IL34: variants seen among roughly 807,000 people sequenced by gnomAD.
The protein encoded by IL34 is interleukin 34.
IL34 carries 17 observed loss-of-function variants against 25.3 expected under a neutral mutation model. The ratio of observed to expected loss-of-function variants is 0.67; its 90% confidence interval spans 0.46 to 1.01. The LOEUF is 1.01. Ranked by LOEUF, IL34 falls within the 50% of genes least tolerant of loss-of-function variation. The pLI is 0.00. For missense variants in IL34, 368 were observed against 312.9 expected, an observed-to-expected ratio of 1.18 and a Z score of -1.33; for synonymous variants, 174 against 140.9, an observed-to-expected ratio of 1.23 and a Z score of -1.66.
intron 1 of IL34, among the ~76,000 whole-genome samples, chr16:70,628,872 C>T (rs1228552079): frequency 4.1e-5 from 6 of 147,972 alleles, no homozygotes; most frequent in South Asian, 2.2e-4. Flanking sequence ...ACTATAGCTT[C>T]GAACTCCTGG....
intron 1 of IL34, among the ~76,000 whole-genome samples, chr16:70,630,550 C>G (rs1029641922): frequency 6.6e-6 from 1 of 151,288 alleles, no homozygotes; most frequent in African/African-American, 2.4e-5. Context: ...CCCCTCCTCT[C>G]CCCTCCCCTC....
Position 70,660,274 on chromosome 16 carries a change from T to C in IL34, c.*87T>C. The stretch of plus-strand genomic sequence containing the variant: ...GGTCTGAGACTTCAAGGGGTGGTGG[T>C]GGGAGCCCCCCTTGGGAGAGGACCC... On this transcript the variant is annotated 3_prime_UTR_variant, in exon 6 of 6. Transcript: ENST00000288098. 1 of 1,283,454 alleles carries C rather than the reference T, an allele frequency of 7.8e-7. No homozygotes were observed. The highest frequency in any genetic ancestry group is 1.1e-6 in the Non-Finnish European group (1 of 949,476). 79.5% of individuals were successfully genotyped at this position (1,283,454 alleles called of 1,614,324 possible). A position where few individuals can be genotyped will look rare whatever the true frequency, so the allele number is the denominator to read the frequency against.
chr16:70,580,038 G>C (rs1174562585), exon 1 of IL34: 1 of 152,294 alleles, frequency 6.6e-6, no homozygotes, highest in Non-Finnish European at 1.5e-5. Context: ...CCGAGTCTTG[G>C]CACGTGAACA....
At chr16:70,642,244 G>A (rs1011425570), upstream of IL34, among the ~76,000 whole-genome samples, 2 of 150,598 alleles carry the variant, frequency 1.3e-5, no homozygotes, top group Admixed American at 1.3e-4. Context: ...AAGAGACAGA[G>A]AGAGAGAGAG....
intron 1 of IL34, among the ~76,000 whole-genome samples, chr16:70,591,551 G>A (rs1567436480): frequency 6.6e-6 from 1 of 150,422 alleles, no homozygotes. Context: ...CCTGAGTAGT[G>A]GAGTGAGATC....
chr16:70,634,007 C>T (rs748335570), intron 1 of IL34, among the ~76,000 whole-genome samples: 95 of 152,054 alleles, frequency 6.2e-4, no homozygotes, highest in Non-Finnish European at 1.2e-3. Flanking sequence ...TGCACCACCA[C>T]GCCCAGCTAA....
At chr16:70,618,185 T>C (rs2051204107) in intron 1 of IL34, among the ~76,000 whole-genome samples, 1 of 152,076 alleles carries the variant, frequency 6.6e-6, no homozygotes, top group Non-Finnish European at 1.5e-5. Flanking sequence ...TAGCATAGCC[T>C]GCCTTTGCTG....
chr16:70,642,262 C>CAG (rs560518038), upstream of IL34, among the ~76,000 whole-genome samples: 1 of 148,710 alleles, frequency 6.7e-6, no homozygotes, highest in African/African-American at 2.5e-5. Context: ...GAGACAAAGA[C>CAG]AGAGACAGAG....
intron 1 of IL34, among the ~76,000 whole-genome samples, chr16:70,648,864 C>T (rs1192800970): frequency 1.3e-5 from 2 of 152,094 alleles, no homozygotes; most frequent in Non-Finnish European, 1.5e-5. Context: ...CTAAAGGTGC[C>T]GAGAAGGAGC....
Position 70,657,008 on chromosome 16 carries a change from G to C in IL34, c.289G>C (p.Val97Leu). Residue 97 changes from valine to leucine, a missense_variant, in exon 4 of 6, where the codon GTG (valine) becomes CTG (leucine). By Grantham distance (32) the Val-to-Leu change is conservative. Transcript: ENST00000288098. ...ERELRYLWVL[V>L]SLSATESVQD... ...GGAGCTGCGGTATCTGTGGGTCTTG[G>C]TGAGCCTCAGTGCCACTGAGTCGGT... 1 of 1,612,332 alleles carries C rather than the reference G, an allele frequency of 6.2e-7. No homozygotes were observed.
At chr16:70,593,125 C>T (rs189849648) in intron 1 of IL34, among the ~76,000 whole-genome samples, 1 of 152,198 alleles carries the variant, frequency 6.6e-6, no homozygotes, top group Admixed American at 6.5e-5. Context: ...CTGCGCCTGG[C>T]CCTATTGTCC....
At chr16:70,644,726 G>A (rs578203782), upstream of IL34, among the ~76,000 whole-genome samples, 7 of 140,042 alleles carry the variant, frequency 5.0e-5, no homozygotes, top group East Asian at 1.6e-3. Flanking sequence ...GGAGGAGGGG[G>A]AGGGGGAAGA....
chr16:70,633,472 C>A lies in IL34; in HGVS notation c.-400-13076C>A, dbSNP rs370147268. Among the ~76,000 whole-genome samples the A allele has an allele frequency of 3.9e-5, 6 of 152,096 alleles. No homozygotes were observed. In the East Asian group the frequency reaches 1.2e-3, roughly 29 times the overall value. ...TAGAGACGTGGTCTCCCTATGTTGC[C>A]CAGTCTGGTTTCAAACTTCAGACCT... On this transcript the variant is annotated intron_variant, in intron 1 of 6. Coordinates refer to the IL34 transcript ENST00000429149.
chr16:70,622,148 G>T (rs1341509857), intron 1 of IL34, among the ~76,000 whole-genome samples: 1 of 152,014 alleles, frequency 6.6e-6, no homozygotes, highest in African/African-American at 2.4e-5. Context: ...GTATAGAGGG[G>T]GGAAGGCTAA....
chr16:70,640,057 T>G (rs531038140), intron 1 of IL34, among the ~76,000 whole-genome samples: 2 of 152,200 alleles, frequency 1.3e-5, no homozygotes, highest in East Asian at 1.9e-4. Flanking sequence ...AGAAAAACTT[T>G]AGAAAGAATA....
At chr16:70,611,216 G>T (rs2051086365) in intron 1 of IL34, among the ~76,000 whole-genome samples, 1 of 152,140 alleles carries the variant, frequency 6.6e-6, no homozygotes, top group Non-Finnish European at 1.5e-5. Flanking sequence ...GTGCTCAGGG[G>T]CTTTGTATTT....
intron 1 of IL34, among the ~76,000 whole-genome samples, chr16:70,595,738 G>A (rs1398558699): frequency 2.0e-5 from 3 of 152,114 alleles, no homozygotes; most frequent in South Asian, 4.2e-4. Context: ...CCGGCTGGGC[G>A]TGGTGGCTCA....
chr16:70,612,676 G>T (rs1053442111), intron 1 of IL34, among the ~76,000 whole-genome samples: 1 of 152,330 alleles, frequency 6.6e-6, no homozygotes, highest in Non-Finnish European at 1.5e-5. Flanking sequence ...AAGTGAGTTG[G>T]AAAAACGCAC....
At chr16:70,650,565 G>A (rs928348763) in intron 1 of IL34, among the ~76,000 whole-genome samples, 2 of 152,134 alleles carry the variant, frequency 1.3e-5, no homozygotes, top group African/African-American at 4.8e-5. Flanking sequence ...GGCCACACAG[G>A]AAAAAAGACC....
Sources: gnomAD v4.1 joint callset for allele counts (sites outside exome capture counted in the v4.1 genomes callset) on GRCh38, gnomAD v4.1.1 for gene constraint, MANE v1.5 for transcripts, NCBI Gene and HGNC (gene_info 2026-07-23, HGNC 2026-07-21) for gene names.